The following PDE7B variants were observed in gnomAD, a reference collection of about 807,000 sequenced individuals.
The protein encoded by PDE7B is 3',5'-cyclic-AMP phosphodiesterase 7B.
Under a neutral mutation model 56.2 loss-of-function variants are expected in PDE7B, and 29 were observed. The observed-to-expected ratio is 0.52, with a 90% CI of 0.38 to 0.70. PDE7B has a LOEUF of 0.70. Ranked by LOEUF, PDE7B falls within the 30% of genes least tolerant of loss-of-function variation. The pLI is 0.00. For missense variants in PDE7B, 490 were observed against 565.0 expected (o/e 0.87, Z 1.35); for synonymous variants, 197 against 196.9 (o/e 1.00, Z 0.00).
At chr6:136,149,977 T>C (rs1778483364) in intron 5 of PDE7B, among the ~76,000 whole-genome samples, 1 of 152,186 alleles carries the variant, frequency 6.6e-6, no homozygotes, top group Non-Finnish European at 1.5e-5. Flanking sequence ...ATTTTGCATG[T>C]CATTTTGTTC....
chr6:135,879,700 T>C (rs138629478), intron 1 of PDE7B, among the ~76,000 whole-genome samples: 2 of 152,264 alleles, frequency 1.3e-5, no homozygotes, highest in Non-Finnish European at 2.9e-5. Flanking sequence ...AGGCAAACTA[T>C]ATATGAATGA....
chr6:135,965,240 T>C (rs1774975922), intron 2 of PDE7B, among the ~76,000 whole-genome samples: 1 of 151,930 alleles, frequency 6.6e-6, no homozygotes, highest in African/African-American at 2.4e-5. Flanking sequence ...AGAAATGGAG[T>C]AACAGTGGTA....
At chr6:136,028,311 A>G (rs1776187034) in intron 2 of PDE7B, among the ~76,000 whole-genome samples, 1 of 152,222 alleles carries the variant, frequency 6.6e-6, no homozygotes, top group Non-Finnish European at 1.5e-5. Context: ...TTTAAATAGA[A>G]GAGTCAGCTT....
intron 2 of PDE7B, among the ~76,000 whole-genome samples, chr6:136,064,827 TTA>T (rs1776906434): frequency 6.6e-6 from 1 of 152,212 alleles, no homozygotes. Context: ...ACATTCATAA[TTA>T]TGTTTCATTT....
At chr6:135,957,466 T>A (rs2089027773) in intron 2 of PDE7B, among the ~76,000 whole-genome samples, 1 of 152,144 alleles carries the variant, frequency 6.6e-6, no homozygotes, top group South Asian at 2.1e-4. Flanking sequence ...AACTGTCCCA[T>A]GCTCATAAAG....
intron 2 of PDE7B, chr6:136,098,017 A>G (rs1322982648): frequency 6.6e-6 from 1 of 151,620 alleles, no homozygotes; most frequent in Non-Finnish European, 1.5e-5. Context: ...ACTCCTGTTC[A>G]TTTACCAGCT....
intron 2 of PDE7B, among the ~76,000 whole-genome samples, chr6:136,004,039 T>A (rs943164569): frequency 6.6e-6 from 1 of 152,146 alleles, no homozygotes; most frequent in African/African-American, 2.4e-5. Flanking sequence ...GATGCAAGGC[T>A]GGTTCAATAT....
chr6:136,107,234 T>C (rs1172707685), intron 2 of PDE7B, among the ~76,000 whole-genome samples: 3 of 152,206 alleles, frequency 2.0e-5, no homozygotes, highest in Non-Finnish European at 4.4e-5. Flanking sequence ...AGGACTGTTC[T>C]TCCTTTCAGC....
chr6:136,077,357 A>G (rs1777142045), intron 2 of PDE7B, among the ~76,000 whole-genome samples: 1 of 152,228 alleles, frequency 6.6e-6, no homozygotes, highest in Non-Finnish European at 1.5e-5. Context: ...AAGAAAATGT[A>G]AACATAGTAT....
intron 4 of PDE7B, among the ~76,000 whole-genome samples, chr6:136,147,902 A>G (rs1490071933): frequency 6.6e-6 from 1 of 152,200 alleles, no homozygotes; most frequent in Non-Finnish European, 1.5e-5. Context: ...CCCAATCACT[A>G]TCAACTCTTA....
chr6:136,062,754 C>G (rs1243015516), intron 2 of PDE7B, among the ~76,000 whole-genome samples: 1 of 152,180 alleles, frequency 6.6e-6, no homozygotes, highest in Non-Finnish European at 1.5e-5. Flanking sequence ...TCGCCTGTGA[C>G]CTGACCTAAA....
At chr6:135,992,376 C>T (rs1425985404) in intron 2 of PDE7B, among the ~76,000 whole-genome samples, 1 of 152,168 alleles carries the variant, frequency 6.6e-6, no homozygotes, top group Non-Finnish European at 1.5e-5. Context: ...AGATATATTC[C>T]ACTTTCTAAG....
At chr6:136,185,944 T>C (rs1168726979) in intron 11 of PDE7B, among the ~76,000 whole-genome samples, 1 of 152,154 alleles carries the variant, frequency 6.6e-6, no homozygotes, top group African/African-American at 2.4e-5. Flanking sequence ...AATTACTCAA[T>C]TTGTTATGCT....
intron 3 of PDE7B, among the ~76,000 whole-genome samples, chr6:136,110,405 G>A (rs1777723789): frequency 6.6e-6 from 1 of 152,132 alleles, no homozygotes; most frequent in Non-Finnish European, 1.5e-5. Context: ...ACAAGGATGA[G>A]CAAGGGGTTC....
Position 135,859,037 on chromosome 6 carries a change from C to A in PDE7B, c.21+7018C>A, listed in dbSNP as rs1210301466. Among the ~76,000 whole-genome samples the A allele has an allele frequency of 4.0e-5, 6 of 150,520 alleles. No individual in the cohort carries two copies. In the East Asian group the frequency reaches 1.2e-3, roughly 29 times the overall value. ...TTCTTCTGTTTGGATATGATTTATA[C>A]ATTTCTTGGTTTTCCAGGAGAGAAA... On this transcript the variant is annotated intron_variant, in intron 1 of 12. Coordinates refer to ENST00000308191, the MANE Select transcript of PDE7B (RefSeq NM_018945.4).
rs113134639 is a variant in PDE7B, at chr6:135,902,641, T to A, written c.22-44823T>A. 6.4e-3 allele frequency among the ~76,000 whole-genome samples: 968 copies of A among 152,294 alleles called. 10 individuals carry two copies. The highest frequency in any genetic ancestry group is 0.02 in the African/African-American group (852 of 41,562). On this transcript the variant is annotated intron_variant, in intron 1 of 12. Transcript: ENST00000308191. ...ATATATCTACTTTTTCTTATTTTGA[T>A]CCTAGATTTGTTCTTCAGTCCTGCA... is the stretch of plus-strand genomic sequence containing the variant.
At chr6:136,049,479 G>A (rs1174957192) in intron 2 of PDE7B, 1 of 151,840 alleles carries the variant, frequency 6.6e-6, no homozygotes, top group Non-Finnish European at 1.5e-5. Flanking sequence ...AGAAAAATAT[G>A]GTTTTTTATG....
At chr6:136,066,416 T>C (rs1776937729) in intron 2 of PDE7B, among the ~76,000 whole-genome samples, 1 of 152,158 alleles carries the variant, frequency 6.6e-6, no homozygotes, top group Non-Finnish European at 1.5e-5. Context: ...TGATGCTCCT[T>C]TACAAAGCCA....
At chr6:135,983,992 C>G in intron 2 of PDE7B, among the ~76,000 whole-genome samples, 1 of 152,218 alleles carries the variant, frequency 6.6e-6, no homozygotes, top group East Asian at 1.9e-4. Context: ...CAATTTACTG[C>G]AAATTCTGAA....
Sources: allele counts gnomAD v4.1 joint callset (sites outside exome capture counted in the v4.1 genomes callset), GRCh38; gene constraint gnomAD v4.1.1; transcripts MANE v1.5; gene names NCBI Gene and HGNC (gene_info 2026-07-23, HGNC 2026-07-21).